LPXN: variants seen among roughly 807,000 people sequenced by gnomAD.
The protein encoded by LPXN is leupaxin.
Under a neutral mutation model 45.6 loss-of-function variants are expected in LPXN, and 28 were observed. The ratio of observed to expected loss-of-function variants is 0.61; its 90% CI spans 0.45 to 0.84. The LOEUF (loss-of-function observed/expected upper bound fraction) is 0.84, where lower values mean the gene tolerates loss of function less well. Among genes scored for constraint, LPXN ranks in the 40% least tolerant of loss-of-function variants. LPXN has a pLI of 0.00. For synonymous variants in LPXN, 166 were observed against 169.9 expected (o/e 0.98, Z 0.18); for missense variants, 459 against 475.0 (o/e 0.97, Z 0.31).
At chr11:58,548,334 T>C (rs1206299603) in intron 7 of LPXN, among the ~76,000 whole-genome samples, 1 of 151,308 alleles carries the variant, frequency 6.6e-6, no homozygotes, top group Non-Finnish European at 1.5e-5. Flanking sequence ...TTTCCAAGAG[T>C]AATTACTAGA....
chr11:58,553,211 C>T (rs1295624564), intron 4 of LPXN, among the ~76,000 whole-genome samples: 3 of 151,766 alleles, frequency 2.0e-5, no homozygotes, highest in African/African-American at 7.3e-5. Flanking sequence ...TGGCACACGC[C>T]TGTAATCACA....
intron 7 of LPXN, among the ~76,000 whole-genome samples, chr11:58,542,445 A>G (rs991692443): frequency 6.6e-6 from 1 of 151,836 alleles, no homozygotes; most frequent in Non-Finnish European, 1.5e-5. Context: ...AATCTACATC[A>G]AGGTTTTTTT....
At chr11:58,575,312 C>A (rs553400366) in intron 1 of LPXN, among the ~76,000 whole-genome samples, 1 of 152,214 alleles carries the variant, frequency 6.6e-6, no homozygotes, top group East Asian at 1.9e-4. Flanking sequence ...CTCTACAGAT[C>A]CCTCATTCTT....
At chr11:58,527,928 C>A (rs752675057) in intron 8 of LPXN, 115 bp downstream of exon 8, 2 of 1,260,426 alleles carry the variant, frequency 1.6e-6, no homozygotes, top group African/African-American at 3.0e-5. Flanking sequence ...CTTTAGGATG[C>A]GCACATCCAT....
intron 2 of LPXN, among the ~76,000 whole-genome samples, chr11:58,570,072 G>T (rs1209384214): frequency 6.6e-6 from 1 of 152,168 alleles, no homozygotes; most frequent in African/African-American, 2.4e-5. Flanking sequence ...GGGAGGCCAA[G>T]GCGGGTGAAT....
At chr11:58,551,892 G>C (rs576023774) in intron 4 of LPXN, among the ~76,000 whole-genome samples, 36 of 152,252 alleles carry the variant, frequency 2.4e-4, no homozygotes, top group Admixed American at 2.3e-3. Flanking sequence ...AGCATTCTAG[G>C]GGAAGGGAAG....
intron 7 of LPXN, among the ~76,000 whole-genome samples, chr11:58,547,840 T>A (rs902703095): frequency 2.0e-5 from 3 of 152,208 alleles, no homozygotes; most frequent in Non-Finnish European, 4.4e-5. Flanking sequence ...CACAAGCTTT[T>A]ATTTATGAGA....
chr11:58,537,303 C>T (rs546250861), intron 7 of LPXN, among the ~76,000 whole-genome samples: 3 of 152,300 alleles, frequency 2.0e-5, no homozygotes, highest in South Asian at 2.1e-4. Flanking sequence ...AAATGTGGCA[C>T]ATATACACCA....
At chr11:58,566,864 C>A (rs1214676786) in intron 2 of LPXN, among the ~76,000 whole-genome samples, 1 of 152,142 alleles carries the variant, frequency 6.6e-6, no homozygotes, top group Non-Finnish European at 1.5e-5. Flanking sequence ...AAGGCTCAGG[C>A]ATTCCCAAAA....
At chr11:58,574,721 T>C (rs1264061574) in intron 1 of LPXN, among the ~76,000 whole-genome samples, 2 of 152,220 alleles carry the variant, frequency 1.3e-5, no homozygotes, top group Admixed American at 1.3e-4. Context: ...AAATAGACTT[T>C]ACCTCCAAAG....
At chr11:58,539,247 C>G (rs1853644771) in intron 7 of LPXN, among the ~76,000 whole-genome samples, 1 of 152,126 alleles carries the variant, frequency 6.6e-6, no homozygotes, top group Admixed American at 6.5e-5. Flanking sequence ...GAGTTCAAGG[C>G]TGTAGCAAGC....
intron 2 of LPXN, among the ~76,000 whole-genome samples, chr11:58,568,414 T>C (rs1462833058): frequency 6.6e-6 from 1 of 151,904 alleles, no homozygotes; most frequent in African/African-American, 2.4e-5. Context: ...ACCAGCCTAG[T>C]CAACATGGTG....
At chr11:58,539,154 T>TA (rs1269110431) in intron 7 of LPXN, among the ~76,000 whole-genome samples, 2 of 151,962 alleles carry the variant, frequency 1.3e-5, no homozygotes, top group Admixed American at 1.3e-4. Flanking sequence ...CAAAAAATTT[T>TA]AAAAAATTAG....
intron 1 of LPXN, among the ~76,000 whole-genome samples, chr11:58,573,442 A>G (rs1288224373): frequency 6.6e-6 from 1 of 152,164 alleles, no homozygotes. Flanking sequence ...CTCTAACTAG[A>G]AGCCAAAGAT....
chr11:58,547,228 A>G (rs1853901318), intron 7 of LPXN, among the ~76,000 whole-genome samples: 1 of 152,246 alleles, frequency 6.6e-6, no homozygotes, highest in East Asian at 1.9e-4. Context: ...CTATGAAAAT[A>G]TGAGAGGAAG....
At chr11:58,537,601 T>C (rs1354681150) in intron 7 of LPXN, among the ~76,000 whole-genome samples, 1 of 151,982 alleles carries the variant, frequency 6.6e-6, no homozygotes, top group Non-Finnish European at 1.5e-5. Flanking sequence ...ATGGCACGTG[T>C]ATACCTATGT....
At chr11:58,540,150 GA>G (rs1853671549) in intron 7 of LPXN, among the ~76,000 whole-genome samples, 1 of 152,030 alleles carries the variant, frequency 6.6e-6, no homozygotes, top group South Asian at 2.1e-4. Flanking sequence ...GAAAATATAG[GA>G]AATGGGGGCA....
At chr11:58,534,993 CCAA>C (rs1853505336) in intron 7 of LPXN, among the ~76,000 whole-genome samples, 2 of 152,294 alleles carry the variant, frequency 1.3e-5, no homozygotes, top group East Asian at 1.9e-4. Context: ...CCTGGATAGA[CCAA>C]CAACAAGTTC....
At chr11:58,533,303 C>T (rs1358621203) in intron 7 of LPXN, among the ~76,000 whole-genome samples, 1 of 152,170 alleles carries the variant, frequency 6.6e-6, no homozygotes, top group Non-Finnish European at 1.5e-5. Flanking sequence ...CAAAGGGAAG[C>T]CCATCAGACT....
Sources: allele counts gnomAD v4.1 joint callset (sites outside exome capture counted in the v4.1 genomes callset), GRCh38; gene constraint gnomAD v4.1.1; transcripts MANE v1.5; gene names NCBI Gene and HGNC (gene_info 2026-07-23, HGNC 2026-07-21).